The following IFT81 variants were observed in gnomAD, a reference collection of about 807,000 sequenced individuals.
The protein encoded by IFT81 is intraflagellar transport protein 81 homolog.
Under a neutral mutation model 102.6 loss-of-function variants are expected in IFT81, and 72 were observed. The observed-to-expected ratio is 0.70, with a 90% CI of 0.58 to 0.85. The LOEUF is 0.85. Ranked by LOEUF, IFT81 falls within the 40% of genes least tolerant of loss-of-function variation. The probability of loss-of-function intolerance (pLI) is 0.00; values close to 1 mark genes in which losing one functional copy is unlikely to be tolerated. For missense variants in IFT81, 723 were observed against 787.3 expected, an observed-to-expected ratio of 0.92 and a Z score of 0.98; for synonymous variants, 237 against 242.7, an observed-to-expected ratio of 0.98 and a Z score of 0.22.
In IFT81 at chr12:110,184,252, A is replaced by T. The variant is rs529815134; in HGVS notation, c.1338+3681A>T. 2.0e-5 allele frequency among the ~76,000 whole-genome samples: 3 copies of T among 152,268 alleles called. No homozygotes were observed. In the South Asian group the frequency reaches 6.2e-4, roughly 32 times the overall value. ...GTAGTCCCAGCCACTCGGGAGGCTG[A>T]GGCAGGAGAATGGCGTGAACCCCGG... On this transcript the variant is annotated intron_variant, in intron 12 of 18. Transcript: ENST00000242591.
At position 110,152,611 on chromosome 12, in the gene IFT81, A is replaced by AT. The variant is rs552972445; in HGVS notation, c.1041+5574dup. On this transcript the variant is annotated intron_variant, in intron 10 of 18. Coordinates refer to ENST00000242591, the MANE Select transcript of IFT81 (RefSeq NM_014055.4). ...TTTAGGAGTTCTCTGTATATTCTGG[A>AT]TTTTTTTTTTTCTTAGAGATAGGGT... 1.3e-3 allele frequency among the ~76,000 whole-genome samples: 181 copies of AT among 144,466 alleles called. 1 individual carries two copies. The highest frequency in any genetic ancestry group is 9.5e-3 in the South Asian group (44 of 4,614). The allele number at this position is 144,466 out of a possible 152,430, so 94.8% of individuals were successfully genotyped here. A position where few individuals can be genotyped will look rare whatever the true frequency, so the allele number is the denominator to read the frequency against.
chr12:110,191,028 T>C lies in IFT81; in HGVS notation c.1447T>C (p.Leu483=), dbSNP rs753482882. The change falls in exon 13 of 19, where the codon TTG becomes CTG. Residue 483 remains leucine, a synonymous_variant. Coordinates refer to ENST00000242591, the MANE Select transcript of IFT81 (RefSeq NM_014055.4). ...AGTTGATGAAATGAAAGGACGAACA[T>C]TGGATGATATGTCTGAAATGGTGAT... ...SEVDEMKGRT[L]DDMSEMVKKL... 2.5e-6 allele frequency: 4 copies of C among 1,607,534 alleles called. No homozygotes were observed. Among genetic ancestry groups the C allele is most frequent in the African/African-American group, 2.7e-5 (2 of 74,688 alleles).
intron 10 of IFT81, among the ~76,000 whole-genome samples, chr12:110,148,556 ACCTCCG>A (rs1895352323): frequency 6.6e-6 from 1 of 151,418 alleles, no homozygotes; most frequent in Admixed American, 6.6e-5. Context: ...GCTCACTGCA[ACCTCCG>A]CCTCCCAGGT....
At chr12:110,168,690 G>C (rs1896572828) in intron 11 of IFT81, 1 of 152,226 alleles carries the variant, frequency 6.6e-6, no homozygotes, top group Admixed American at 6.6e-5. Flanking sequence ...TGTATTAACT[G>C]AAACAAAAGA....
chr12:110,186,863 G>A (rs933851), intron 12 of IFT81, among the ~76,000 whole-genome samples: 24,755 of 152,074 alleles, frequency 0.16, 2,717 homozygotes, highest in Admixed American at 0.28. Context: ...ATCTCATTCT[G>A]TCCTCTTTTA....
intron 4 of IFT81, 110 bp downstream of exon 4, chr12:110,129,240 C>T (rs1328548041): frequency 1.3e-6 from 1 of 773,924 alleles, no homozygotes; most frequent in Admixed American, 3.5e-5. Context: ...CCAAGTGGCA[C>T]AAGAAGATAA....
At chr12:110,217,622 C>T (rs537134777) in intron 18 of IFT81, among the ~76,000 whole-genome samples, 5 of 151,900 alleles carry the variant, frequency 3.3e-5, no homozygotes, top group East Asian at 1.9e-4. Context: ...AGTGTAGTGG[C>T]GTGATCTCGG....
intron 14 of IFT81, among the ~76,000 whole-genome samples, chr12:110,202,533 A>G (rs1593369427): frequency 6.7e-6 from 1 of 150,236 alleles, no homozygotes; most frequent in South Asian, 2.1e-4. Context: ...GCTCACTGCA[A>G]CCTCCACCTC....
At chr12:110,153,872 C>A (rs908810645) in intron 10 of IFT81, among the ~76,000 whole-genome samples, 5 of 150,792 alleles carry the variant, frequency 3.3e-5, no homozygotes, top group African/African-American at 4.9e-5. Flanking sequence ...CCTGCCTCGG[C>A]TGCCAAAGTG....
chr12:110,198,595 T>C (rs1359398132), intron 14 of IFT81, among the ~76,000 whole-genome samples: 2 of 152,162 alleles, frequency 1.3e-5, no homozygotes, highest in African/African-American at 2.4e-5. Context: ...ACTAGAGATA[T>C]GTTAGAGGTA....
chr12:110,154,684 C>A (rs1895741638), intron 10 of IFT81, among the ~76,000 whole-genome samples: 2 of 151,076 alleles, frequency 1.3e-5, no homozygotes, highest in African/African-American at 4.9e-5. Context: ...TTAATTTCCA[C>A]AAATTTGTGA....
intron 18 of IFT81, among the ~76,000 whole-genome samples, chr12:110,217,448 C>T (rs2137625707): frequency 1.3e-5 from 2 of 152,334 alleles, no homozygotes; most frequent in East Asian, 3.9e-4. Context: ...AGTCTTCTGA[C>T]TTCCAAACTC....
At chr12:110,171,892 T>C (rs1896750375) in intron 11 of IFT81, 1 of 152,152 alleles carries the variant, frequency 6.6e-6, no homozygotes, top group African/African-American at 2.4e-5. Context: ...TCCTAAACAG[T>C]TGGTTCTATC....
intron 12 of IFT81, among the ~76,000 whole-genome samples, chr12:110,186,627 C>T (rs1297318588): frequency 6.6e-6 from 1 of 152,142 alleles, no homozygotes. Flanking sequence ...GATTCTCCCA[C>T]CTCAGCCTCC....
At chr12:110,169,337 C>A (rs766241343) in intron 11 of IFT81, among the ~76,000 whole-genome samples, 2 of 151,994 alleles carry the variant, frequency 1.3e-5, no homozygotes, top group Non-Finnish European at 1.5e-5. Flanking sequence ...TTTCCCTCTG[C>A]GATTTTGCTT....
At chr12:110,146,812 A>T (rs1566117395) in intron 9 of IFT81, 141 bp from the exon 10 acceptor site, 1 of 1,047,112 alleles carries the variant, frequency 9.6e-7, no homozygotes, top group South Asian at 2.1e-5. Context: ...CTTAAAAAAA[A>T]AATTAGTCTA....
rs1322707041 is a variant in IFT81 at position 110,124,635 on chromosome 12, G to C, written c.-248G>C. ...CCGCTCCCTGGAGGGATGAACTGTC[G>C]AGGGGCCCAGGGCAGCCCCCGCTAG... On this transcript the variant is annotated 5_prime_UTR_variant, in exon 1 of 19. Coordinates refer to ENST00000242591, the MANE Select transcript of IFT81 (RefSeq NM_014055.4). 3 of 152,254 alleles carry C rather than the reference G, an allele frequency of 2.0e-5. No homozygotes were observed. Among genetic ancestry groups the C allele is most frequent in the Non-Finnish European group, 2.9e-5 (2 of 68,116 alleles). The allele number at this position is 152,254 out of a possible 1,614,324, so 9.4% of individuals were successfully genotyped here. A position where few individuals can be genotyped will look rare whatever the true frequency, so the allele number is the denominator to read the frequency against.
chr12:110,126,827 T>C (rs1593270121), intron 1 of IFT81, among the ~76,000 whole-genome samples: 1 of 152,160 alleles, frequency 6.6e-6, no homozygotes, highest in South Asian at 2.1e-4. Context: ...GGAAGAAGGG[T>C]ACTTGAAGTG....
chr12:110,211,487 G>T (rs1410589324), intron 18 of IFT81, among the ~76,000 whole-genome samples: 1 of 152,034 alleles, frequency 6.6e-6, no homozygotes, highest in Middle Eastern at 3.2e-3. Flanking sequence ...CACCTCGTCT[G>T]GCCTTAGTTA....
Sources: gnomAD v4.1 joint callset for allele counts (sites outside exome capture counted in the v4.1 genomes callset) on GRCh38, gnomAD v4.1.1 for gene constraint, MANE v1.5 for transcripts, NCBI Gene and HGNC (gene_info 2026-07-23, HGNC 2026-07-21) for gene names.